The following FLRT2 variants were observed in gnomAD, a reference collection of about 807,000 sequenced individuals.
FLRT2 encodes the protein leucine-rich repeat transmembrane protein FLRT2.
FLRT2 carries 15 observed loss-of-function variants against 40.0 expected under a neutral mutation model. The observed-to-expected ratio is 0.38, with a 90% confidence interval of 0.25 to 0.58. The LOEUF is 0.58. Ranked by LOEUF, FLRT2 falls within the 20% of genes least tolerant of loss-of-function variation. FLRT2 has a pLI of 0.71. For synonymous variants in FLRT2, 380 were observed against 336.8 expected, an observed-to-expected ratio of 1.13 and a Z score of -1.41; for missense variants, 726 against 840.0, an observed-to-expected ratio of 0.86 and a Z score of 1.68.
intron 1 of FLRT2, among the ~76,000 whole-genome samples, chr14:85,579,746 CTG>C (rs1566737877): frequency 6.6e-6 from 1 of 152,018 alleles, no homozygotes; most frequent in Non-Finnish European, 1.5e-5. Flanking sequence ...ATTATCAAGA[CTG>C]TATTTATGAG....
At chr14:85,570,935 ATTATACTTGCCT>A (rs1213901510) in intron 1 of FLRT2, among the ~76,000 whole-genome samples, 2 of 152,022 alleles carry the variant, frequency 1.3e-5, no homozygotes, top group African/African-American at 4.8e-5. Flanking sequence ...AATGTATTCC[ATTATACTTGCCT>A]TTTCTTTGCA....
At position 85,626,877 on chromosome 14, in the gene FLRT2, C is replaced by G. The variant is rs1400815502; in HGVS notation, c.*3380C>G. 1 of 167,118 alleles carries G rather than the reference C, an allele frequency of 6.0e-6. No individual in the cohort carries two copies. Among genetic ancestry groups the G allele is most frequent in the East Asian group, 1.9e-4 (1 of 5,204 alleles). 10.4% of individuals were successfully genotyped at this position (167,118 alleles called of 1,614,324 possible). On this transcript the variant is annotated 3_prime_UTR_variant, in exon 2 of 2. Transcript: ENST00000330753. ...GTAGCTAATATTACAGCTTCATTTT[C>G]TACTAGCACCTATCATAATGGTCTT...
chr14:85,585,485 A>G (rs1891574303), intron 1 of FLRT2, among the ~76,000 whole-genome samples: 1 of 152,218 alleles, frequency 6.6e-6, no homozygotes, highest in Non-Finnish European at 1.5e-5. Context: ...ATTTCTGATC[A>G]TTAATGTAAG....
At chr14:85,616,115 G>A (rs988489871) in intron 1 of FLRT2, among the ~76,000 whole-genome samples, 3 of 152,022 alleles carry the variant, frequency 2.0e-5, no homozygotes, top group Non-Finnish European at 2.9e-5. Flanking sequence ...AGACTGGCAA[G>A]GACGGGTTCT....
At chr14:85,575,529 G>C (rs145144092) in intron 1 of FLRT2, among the ~76,000 whole-genome samples, 180 of 152,296 alleles carry the variant, frequency 1.2e-3, no homozygotes, top group African/African-American at 4.1e-3. Flanking sequence ...GTCAGACACA[G>C]TGGTGATCCC....
intron 1 of FLRT2, among the ~76,000 whole-genome samples, chr14:85,548,781 C>G (rs1889433313): frequency 6.6e-6 from 1 of 152,148 alleles, no homozygotes; most frequent in Admixed American, 6.5e-5. Context: ...ACCCTCAAGC[C>G]TGGACCCATG....
At chr14:85,567,503 T>C (rs190851705) in intron 1 of FLRT2, among the ~76,000 whole-genome samples, 108 of 152,300 alleles carry the variant, frequency 7.1e-4, no homozygotes, top group African/African-American at 2.6e-3. Flanking sequence ...AGTTTCTGCA[T>C]CACCCTGCCT....
rs1480819632 is a variant in FLRT2, at chr14:85,640,931, C to T, written c.*17434C>T. On this transcript the variant is annotated 3_prime_UTR_variant, in exon 2 of 2. Transcript: ENST00000330753. ...TCGCTTTCTTCTGGCCTTTCTTCCC[C>T]GTGACCTTGGGCAAGTTGCTTAAAC... 1.3e-5 allele frequency: 2 copies of T among 152,210 alleles called. No homozygotes were observed. Among genetic ancestry groups the T allele is most frequent in the South Asian group, 2.1e-4 (1 of 4,830 alleles). The allele number at this position is 152,210 out of a possible 1,614,324, so 9.4% of individuals were successfully genotyped here.
chr14:85,634,797 GC>G lies in FLRT2; in HGVS notation c.*11301del, dbSNP rs1893964680. 6.6e-6 allele frequency: 1 copy of G among 152,120 alleles called. No homozygotes were observed. The highest frequency in any genetic ancestry group is 1.5e-5 in the Non-Finnish European group (1 of 68,014). The allele number at this position is 152,120 out of a possible 1,614,324, so 9.4% of individuals were successfully genotyped here. On this transcript the variant is annotated 3_prime_UTR_variant, in exon 2 of 2. Transcript: ENST00000330753. Reference sequence around the variant, plus strand: ...TTCTGAAAATATATGGAATTAGTGTGCAAAAAGTTGGGCTATATAACTCAAA... The same window carrying G: ...TTCTGAAAATATATGGAATTAGTGTGAAAAAGTTGGGCTATATAACTCAAA...
At chr14:85,568,336 C>T (rs1465009681) in intron 1 of FLRT2, among the ~76,000 whole-genome samples, 1 of 151,988 alleles carries the variant, frequency 6.6e-6, no homozygotes, top group African/African-American at 2.4e-5. Flanking sequence ...TGCTTTCCTG[C>T]TTCTGCACTT....
intron 1 of FLRT2, among the ~76,000 whole-genome samples, chr14:85,614,604 A>T (rs780179739): frequency 1.3e-5 from 2 of 152,140 alleles, no homozygotes; most frequent in African/African-American, 2.4e-5. Context: ...ACTAATCATC[A>T]GCCCCACTTG....
At chr14:85,557,711 G>A (rs1307373401) in intron 1 of FLRT2, among the ~76,000 whole-genome samples, 1 of 152,116 alleles carries the variant, frequency 6.6e-6, no homozygotes, top group Non-Finnish European at 1.5e-5. Flanking sequence ...CAGCTACTTG[G>A]GAGGCTGAGA....
At position 85,546,172 on chromosome 14, in the gene FLRT2, A is replaced by C. The variant is rs148082067; in HGVS notation, c.-377+15638A>C. On this transcript the variant is annotated intron_variant, in intron 1 of 1. Transcript: ENST00000330753. ...CGCTTTTTGCACTTTCTGTGGTTGC[A>C]CTCATCTCTACATGTATGAAAGTTG... 2.3e-3 allele frequency among the ~76,000 whole-genome samples: 345 copies of C among 152,222 alleles called. 3 individuals carry two copies. Among genetic ancestry groups the C allele is most frequent in the African/African-American group, 7.7e-3 (319 of 41,538 alleles).
At chr14:85,538,256 G>T (rs1452792719) in intron 1 of FLRT2, among the ~76,000 whole-genome samples, 2 of 152,118 alleles carry the variant, frequency 1.3e-5, no homozygotes, top group Non-Finnish European at 2.9e-5. Flanking sequence ...GAAGGTCAAA[G>T]AAAATATTCT....
chr14:85,569,479 C>T (rs1595037244), intron 1 of FLRT2, among the ~76,000 whole-genome samples: 1 of 152,174 alleles, frequency 6.6e-6, no homozygotes, highest in East Asian at 1.9e-4. Context: ...AAGACCAACT[C>T]ATGCAGCAAA....
chr14:85,592,800 AAAAAAAAG>A (rs781367128), intron 1 of FLRT2, among the ~76,000 whole-genome samples: 3 of 121,650 alleles, frequency 2.5e-5, no homozygotes, highest in Non-Finnish European at 3.5e-5. Flanking sequence ...AAAAAAAAAA[AAAAAAAAG>A]AAAAAAAAGA....
At chr14:85,550,685 C>T (rs1889567065) in intron 1 of FLRT2, among the ~76,000 whole-genome samples, 1 of 152,072 alleles carries the variant, frequency 6.6e-6, no homozygotes, top group Non-Finnish European at 1.5e-5. Flanking sequence ...AAGGCTTATC[C>T]ACAATCTAGA....
At position 85,623,880 on chromosome 14, in the gene FLRT2, A is replaced by G; in HGVS notation, c.*383A>G. On this transcript the variant is annotated 3_prime_UTR_variant, in exon 2 of 2. Transcript: ENST00000330753. Reference sequence around the variant, plus strand: ...AATAAATTCCTGGTGGTCAGATGAAAGGGCAGATTAAATGGACTCATCAGG... The same window carrying G: ...AATAAATTCCTGGTGGTCAGATGAAGGGGCAGATTAAATGGACTCATCAGG... 2 of 183,186 alleles carry G rather than the reference A, an allele frequency of 1.1e-5. No homozygotes were observed. The allele number at this position is 183,186 out of a possible 1,614,324, so 11.3% of individuals were successfully genotyped here.
At chr14:85,558,449 G>T (rs534248363) in intron 1 of FLRT2, among the ~76,000 whole-genome samples, 3 of 152,276 alleles carry the variant, frequency 2.0e-5, no homozygotes, top group East Asian at 3.9e-4. Flanking sequence ...AGAAGTAAAG[G>T]CATGTTCCTG....
Sources: allele counts gnomAD v4.1 joint callset (sites outside exome capture counted in the v4.1 genomes callset), GRCh38; gene constraint gnomAD v4.1.1; transcripts MANE v1.5; gene names NCBI Gene and HGNC (gene_info 2026-07-23, HGNC 2026-07-21).